Variants in ADAMTS12 observed in about 807,000 individuals in gnomAD.
ADAMTS12 encodes the protein ADAM metallopeptidase with thrombospondin type 1 motif 12, also known as A disintegrin and metalloproteinase with thrombospondin motifs 12.
ADAMTS12 carries 118 observed loss-of-function variants against 167.8 expected under a neutral mutation model. The ratio of observed to expected loss-of-function variants is 0.70; its 90% CI spans 0.61 to 0.82. The LOEUF (loss-of-function observed/expected upper bound fraction) is 0.82. Among genes scored for constraint, ADAMTS12 ranks in the 40% least tolerant of loss-of-function variants. The pLI, the probability that ADAMTS12 is intolerant of heterozygous loss-of-function variation, is 0.00. For synonymous variants in ADAMTS12, 704 were observed against 716.9 expected (o/e 0.98, Z 0.29); for missense variants, 1,916 against 1,998.8 (o/e 0.96, Z 0.79).
intron 9 of ADAMTS12, among the ~76,000 whole-genome samples, chr5:33,645,127 C>A (rs1185359879): frequency 2.0e-5 from 3 of 150,826 alleles, no homozygotes; most frequent in South Asian, 4.2e-4. Context: ...CATGGTATCT[C>A]CAGGACAAAT....
chr5:33,774,831 C>A (rs771730481), intron 2 of ADAMTS12, among the ~76,000 whole-genome samples: 1 of 152,148 alleles, frequency 6.6e-6, no homozygotes, highest in Non-Finnish European at 1.5e-5. Flanking sequence ...CTGATTTGTT[C>A]TTTAATGAGT....
chr5:33,696,628 G>A (rs1742788398), intron 3 of ADAMTS12, among the ~76,000 whole-genome samples: 1 of 152,168 alleles, frequency 6.6e-6, no homozygotes. Flanking sequence ...CACAGCTGGT[G>A]AGGGACATCA....
At chr5:33,567,061 C>G (rs890136051) in intron 19 of ADAMTS12, among the ~76,000 whole-genome samples, 4 of 152,208 alleles carry the variant, frequency 2.6e-5, no homozygotes, top group African/African-American at 9.6e-5. Context: ...GTCAACACCT[C>G]TTCTGGTGAG....
intron 3 of ADAMTS12, among the ~76,000 whole-genome samples, chr5:33,745,130 T>G (rs1579898724): frequency 6.6e-6 from 1 of 152,278 alleles, no homozygotes; most frequent in Admixed American, 6.5e-5. Context: ...TTGGGGGTTT[T>G]CTTTAGAGTG....
intron 2 of ADAMTS12, among the ~76,000 whole-genome samples, chr5:33,779,694 T>A (rs1374649683): frequency 1.3e-5 from 2 of 152,190 alleles, no homozygotes; most frequent in African/African-American, 4.8e-5. Context: ...TGAAGGACAT[T>A]ATACTAAGTG....
At chr5:33,727,276 C>T (rs1373907789) in intron 3 of ADAMTS12, among the ~76,000 whole-genome samples, 1 of 152,070 alleles carries the variant, frequency 6.6e-6, no homozygotes, top group South Asian at 2.1e-4. Flanking sequence ...TGTGTGTCCT[C>T]GCATTTCTGA....
At chr5:33,619,899 TG>T (rs1739223582) in intron 14 of ADAMTS12, among the ~76,000 whole-genome samples, 1 of 152,202 alleles carries the variant, frequency 6.6e-6, no homozygotes, top group African/African-American at 2.4e-5. Context: ...TTCACCACGT[TG>T]GCCAGGATGG....
At chr5:33,621,182 G>A (rs1257330413) in intron 14 of ADAMTS12, among the ~76,000 whole-genome samples, 1 of 152,086 alleles carries the variant, frequency 6.6e-6, no homozygotes, top group Non-Finnish European at 1.5e-5. Context: ...GGTGGATCAT[G>A]AGGTCAGGAG....
At chr5:33,816,125 T>G (rs1186013176) in intron 2 of ADAMTS12, among the ~76,000 whole-genome samples, 1 of 152,208 alleles carries the variant, frequency 6.6e-6, no homozygotes, top group Non-Finnish European at 1.5e-5. Context: ...GCACCGCCTG[T>G]CAGATCTTTT....
chr5:33,891,275 T>G (rs1001366168), intron 1 of ADAMTS12, among the ~76,000 whole-genome samples: 1 of 152,132 alleles, frequency 6.6e-6, no homozygotes, highest in African/African-American at 2.4e-5. Flanking sequence ...GCCTGCTCAG[T>G]AGGGGGGAAG....
intron 3 of ADAMTS12, among the ~76,000 whole-genome samples, chr5:33,705,473 C>T (rs990930213): frequency 1.3e-5 from 2 of 152,058 alleles, no homozygotes; most frequent in Non-Finnish European, 2.9e-5. Flanking sequence ...TCCCATCCAA[C>T]AAGTTGTGAA....
At chr5:33,560,670 G>GA (rs1246839296) in intron 20 of ADAMTS12, among the ~76,000 whole-genome samples, 21 of 147,686 alleles carry the variant, frequency 1.4e-4, no homozygotes, top group Non-Finnish European at 2.5e-4. Flanking sequence ...CTATCACAAG[G>GA]AAAAAAACCA....
chr5:33,696,284 G>GTC (rs1177170472), intron 3 of ADAMTS12, among the ~76,000 whole-genome samples: 33,860 of 150,166 alleles, frequency 0.23, 4,007 homozygotes, highest in East Asian at 0.42. Flanking sequence ...AGCCGGGCAC[G>GTC]GTGGCGGGCG....
chr5:33,684,172 A>T, intron 3 of ADAMTS12, 117 bp from the exon 4 acceptor site: 1 of 786,910 alleles, frequency 1.3e-6, no homozygotes. Context: ...TATAAACGCA[A>T]TGTTTTTACG....
intron 15 of ADAMTS12, among the ~76,000 whole-genome samples, chr5:33,614,960 G>A (rs558196924): frequency 5.4e-4 from 82 of 152,326 alleles, no homozygotes; most frequent in Non-Finnish European, 7.9e-4. Flanking sequence ...AGGCTACTCA[G>A]TATCTTTAAC....
intron 16 of ADAMTS12, among the ~76,000 whole-genome samples, chr5:33,611,877 T>C (rs1454530484): frequency 1.3e-5 from 2 of 152,222 alleles, no homozygotes; most frequent in Non-Finnish European, 2.9e-5. Flanking sequence ...CATCTATGAT[T>C]AGAAAAAAAT....
chr5:33,564,017 C>T (rs557558185), intron 19 of ADAMTS12, among the ~76,000 whole-genome samples: 1 of 152,240 alleles, frequency 6.6e-6, no homozygotes. Context: ...ACAGTGTTAG[C>T]TCAGCTTTTA....
chr5:33,618,757 G>A (rs1457149641), intron 14 of ADAMTS12, among the ~76,000 whole-genome samples: 1 of 152,038 alleles, frequency 6.6e-6, no homozygotes, highest in Non-Finnish European at 1.5e-5. Context: ...TCTCTTTCAC[G>A]ATTTCCTTGA....
intron 3 of ADAMTS12, among the ~76,000 whole-genome samples, chr5:33,706,279 T>A (rs1579857459): frequency 1.3e-5 from 2 of 152,270 alleles, no homozygotes; most frequent in East Asian, 3.9e-4. Flanking sequence ...CTTGTTGATC[T>A]AATATTGACA....
Sources: allele counts gnomAD v4.1 joint callset (sites outside exome capture counted in the v4.1 genomes callset), GRCh38; gene constraint gnomAD v4.1.1; transcripts MANE v1.5; gene names NCBI Gene and HGNC (gene_info 2026-07-23, HGNC 2026-07-21).